EBF4: variants seen among roughly 807,000 people sequenced by gnomAD.
EBF4 encodes the protein EBF transcription factor 4, also known as transcription factor COE4.
EBF4 carries 34 observed loss-of-function variants against 67.1 expected under a neutral mutation model. That is an observed-to-expected ratio of 0.51 (90% CI 0.39 to 0.67). The LOEUF is 0.67. EBF4 is among the 30% of genes least tolerant of loss of function. The pLI is 0.00. For synonymous variants in EBF4, 387 were observed against 377.7 expected (o/e 1.02, Z -0.29); for missense variants, 837 against 873.3 (o/e 0.96, Z 0.52).
upstream of EBF4, chr20:2,693,108 C>G (rs1278306001): frequency 6.2e-6 from 1 of 161,088 alleles, no homozygotes; most frequent in African/African-American, 2.4e-5. The surrounding 1 kb of genome is among the most constrained non-coding windows in gnomAD (Gnocchi z 4.6). Flanking sequence ...CTGTCGCCGC[C>G]GCCGCCGAGC....
intron 6 of EBF4, among the ~76,000 whole-genome samples, chr20:2,723,642 C>A (rs1273031463): frequency 6.6e-6 from 1 of 152,358 alleles, no homozygotes; most frequent in Admixed American, 6.5e-5. Context: ...AGCCACCGCG[C>A]CCGGCCAGAT....
intron 6 of EBF4, among the ~76,000 whole-genome samples, chr20:2,735,206 C>G (rs2087861915): frequency 6.6e-6 from 1 of 152,112 alleles, no homozygotes; most frequent in South Asian, 2.1e-4. Flanking sequence ...ATAAAGCTGT[C>G]AGGGAGTTGC....
At chr20:2,697,919 C>T (rs999270003) in intron 1 of EBF4, among the ~76,000 whole-genome samples, 2 of 152,236 alleles carry the variant, frequency 1.3e-5, no homozygotes, top group Non-Finnish European at 2.9e-5. Context: ...TAGCAGGGCC[C>T]CGGAGAGGGA....
intron 6 of EBF4, among the ~76,000 whole-genome samples, chr20:2,738,499 G>C (rs1210407255): frequency 9.2e-5 from 14 of 152,120 alleles, no homozygotes; most frequent in Admixed American, 8.5e-4. Flanking sequence ...GTGTACATCT[G>C]TGTCCACACA....
In EBF4 at chr20:2,755,462, GGGCTGGCCCA is replaced by G. The variant is rs1175179640; in HGVS notation, c.1541-162_1541-153del. ...GGTCTCCAGAACCGCTGAGAGGTCA[GGGCTGGCCCA>G]GGACCCTCACAGCTCCCAGTGAGAT... On this transcript the variant is annotated intron_variant, in intron 14 of 16. Transcript: ENST00000609451. This position sits in a 1 kb window ranked among gnomAD's most constrained non-coding sequence, Gnocchi z 4.7. 1.6e-6 allele frequency: 1 copy of G among 606,702 alleles called. No individual in the cohort carries two copies. Among genetic ancestry groups the G allele is most frequent in the Non-Finnish European group, 3.0e-6 (1 of 338,960 alleles). The allele number at this position is 606,702 out of a possible 1,614,324, so 37.6% of individuals were successfully genotyped here. A position where few individuals can be genotyped will look rare whatever the true frequency, so the allele number is the denominator to read the frequency against.
chr20:2,735,937 A>T (rs992337152), intron 6 of EBF4, among the ~76,000 whole-genome samples: 1 of 152,258 alleles, frequency 6.6e-6, no homozygotes, highest in African/African-American at 2.4e-5. Context: ...TGAAGACCAC[A>T]CTATCCAATA....
intron 6 of EBF4, among the ~76,000 whole-genome samples, chr20:2,746,500 C>A (rs1009101000): frequency 6.6e-6 from 1 of 152,118 alleles, no homozygotes; most frequent in African/African-American, 2.4e-5. Context: ...AGGAAGGTGA[C>A]TGCCACCAGC....
rs1159322503 is a variant in EBF4, at chr20:2,702,532, AGGGAGGCTCCG to A, written c.138-3041_138-3031del. Reference sequence around the variant, plus strand: ...AGTCAGCATTTCATGTGGATAACTGAGGGAGGCTCCGGGGCAAGCTTTCAAGAGGAGGAAAC... The same window carrying A: ...AGTCAGCATTTCATGTGGATAACTGAGGGCAAGCTTTCAAGAGGAGGAAAC... On this transcript the variant is annotated intron_variant, in intron 1 of 16. Coordinates refer to ENST00000609451, the Ensembl canonical transcript of EBF4. 2.6e-5 allele frequency among the ~76,000 whole-genome samples: 4 copies of A among 152,268 alleles called. No individual in the cohort carries two copies. The East Asian group carries it at 5.8e-4, about 22-fold the overall frequency.
intron 6 of EBF4, among the ~76,000 whole-genome samples, chr20:2,726,626 A>G (rs181368600): frequency 1.4e-4 from 22 of 152,182 alleles, no homozygotes; most frequent in Admixed American, 2.6e-4. Context: ...TGAAGATTTA[A>G]ACGTGTTTTA....
At chr20:2,698,860 G>A (rs568916502) in intron 1 of EBF4, among the ~76,000 whole-genome samples, 77 of 152,272 alleles carry the variant, frequency 5.1e-4, no homozygotes, top group Middle Eastern at 3.4e-3. Context: ...TTAGGTTTTG[G>A]TGGGGAGAAG....
intron 6 of EBF4, among the ~76,000 whole-genome samples, chr20:2,721,503 G>A (rs1464520763): frequency 6.6e-6 from 1 of 151,914 alleles, no homozygotes; most frequent in African/African-American, 2.4e-5. Flanking sequence ...CACCCAGGCT[G>A]GAGTGCAGTG....
chr20:2,737,094 C>A (rs1027777947), intron 6 of EBF4, among the ~76,000 whole-genome samples: 12 of 138,532 alleles, frequency 8.7e-5, no homozygotes, highest in East Asian at 2.7e-4. Flanking sequence ...CTAAAAATAC[C>A]AAAAAATTAG....
At chr20:2,708,921 C>A (rs1461929848) in intron 5 of EBF4, among the ~76,000 whole-genome samples, 3 of 152,072 alleles carry the variant, frequency 2.0e-5, no homozygotes, top group Admixed American at 6.6e-5. Context: ...CACAATGGCT[C>A]ACGCCTGTAA....
chr20:2,738,547 C>T (rs539587356), intron 6 of EBF4, among the ~76,000 whole-genome samples: 10 of 152,264 alleles, frequency 6.6e-5, no homozygotes, highest in African/African-American at 1.4e-4. Context: ...CCCTTCCTGC[C>T]GCTGCATGTG....
chr20:2,701,722 A>G (rs2087378071), intron 1 of EBF4, among the ~76,000 whole-genome samples: 1 of 152,138 alleles, frequency 6.6e-6, no homozygotes, highest in African/African-American at 2.4e-5. Context: ...CTCCCTCCCC[A>G]CTGCCTGAGA....
intron 14 of EBF4, among the ~76,000 whole-genome samples, chr20:2,754,316 T>A (rs746988029): frequency 6.6e-6 from 1 of 152,160 alleles, no homozygotes; most frequent in African/African-American, 2.4e-5. Flanking sequence ...GCTCAGGGGC[T>A]GTTTGCTTGG....
At position 2,739,319 on chromosome 20, in the gene EBF4, G is replaced by A. The variant is rs1185880179; in HGVS notation, c.558-9230G>A. Among the ~76,000 whole-genome samples, 1 of 151,728 alleles carries A rather than the reference G, an allele frequency of 6.6e-6. No homozygotes were observed. The highest frequency in any genetic ancestry group is 1.5e-5 in the Non-Finnish European group (1 of 67,958). ...TGATCGAGTGAGCCGTCTGCCCCGT[G>A]GTGGAGCTGTTAGTCCCTTTGCATG... is the stretch of plus-strand genomic sequence containing the variant. On this transcript the variant is annotated intron_variant, in intron 6 of 16. Transcript: ENST00000609451. The surrounding 1 kb of genome is among the most constrained non-coding windows in gnomAD (Gnocchi z 4.5).
intron 6 of EBF4, among the ~76,000 whole-genome samples, chr20:2,712,025 G>A (rs1372516082): frequency 1.3e-5 from 2 of 152,134 alleles, no homozygotes; most frequent in African/African-American, 4.8e-5. Flanking sequence ...CAGGTGGCTG[G>A]AGCAAGGAAG....
intron 6 of EBF4, among the ~76,000 whole-genome samples, chr20:2,721,089 A>T (rs2087673472): frequency 6.6e-6 from 1 of 151,944 alleles, no homozygotes; most frequent in Non-Finnish European, 1.5e-5. Context: ...GGGTACATTG[A>T]TCTTTTTGTT....
Sources: allele counts gnomAD v4.1 joint callset (sites outside exome capture counted in the v4.1 genomes callset), GRCh38; gene constraint gnomAD v4.1.1; non-coding constraint Gnocchi (gnomAD v3.1); transcripts MANE v1.5; gene names NCBI Gene and HGNC (gene_info 2026-07-23, HGNC 2026-07-21).